Variants in EDA2R observed in about 807,000 individuals in gnomAD.
EDA2R encodes ectodysplasin A2 receptor.
Under a neutral mutation model 20.1 loss-of-function variants are expected in EDA2R, and 26 were observed. That is an observed-to-expected ratio of 1.30 (90% CI 0.95 to 1.80). EDA2R has a LOEUF of 1.80. Ranked by LOEUF, EDA2R falls within the 40% of genes most tolerant of loss-of-function variation. The pLI is 0.00. For missense variants in EDA2R, 277 were observed against 228.7 expected, an observed-to-expected ratio of 1.21 and a Z score of -1.36; for synonymous variants, 114 against 88.7, an observed-to-expected ratio of 1.29 and a Z score of -1.60.
chrX:66,604,015 G>A (rs1400901092), intron 4 of EDA2R, among the ~76,000 whole-genome samples: 3 of 111,724 alleles, frequency 2.7e-5, no homozygotes, highest in African/African-American at 9.8e-5. Flanking sequence ...GGCATAGATT[G>A]GACCCTAGTT....
At chrX:66,628,520 C>T (rs1466888672) in intron 1 of EDA2R, among the ~76,000 whole-genome samples, 1 of 110,710 alleles carries the variant, frequency 9.0e-6, no homozygotes, top group Non-Finnish European at 1.9e-5. Context: ...AGGACTGACA[C>T]CACTGAAATA....
Position 66,635,894 on chromosome X carries a change from G to T in EDA2R, c.-11+3101C>A, listed in dbSNP as rs1018088901. Among the ~76,000 whole-genome samples the T allele has an allele frequency of 1.1e-4, 12 of 111,368 alleles. No individual in the cohort carries two copies. In the East Asian group the frequency reaches 3.1e-3, roughly 29 times the overall value. On this transcript the variant is annotated intron_variant, in intron 1 of 6. Transcript: ENST00000374719. ...GTATTTAGCACATAGTGGAAAAAAT[G>T]ATTTATATTCTTTAATTTTTTTTTG... is the stretch of plus-strand genomic sequence containing the variant.
At chrX:66,613,688 A>G (rs1052840180) in intron 2 of EDA2R, among the ~76,000 whole-genome samples, 2 of 111,841 alleles carry the variant, frequency 1.8e-5, no homozygotes, top group East Asian at 5.6e-4. Flanking sequence ...AAATTAGTAT[A>G]AACAAAATTC....
At chrX:66,622,892 C>A (rs1011334609) in intron 1 of EDA2R, among the ~76,000 whole-genome samples, 1 of 112,270 alleles carries the variant, frequency 8.9e-6, no homozygotes, top group Non-Finnish European at 1.9e-5. Context: ...GTAAAGTTTG[C>A]ATTTCCTGTT....
In EDA2R at chrX:66,622,370, C is replaced by A. The variant is rs138414160; in HGVS notation, c.-10-6340G>T. On this transcript the variant is annotated intron_variant, in intron 1 of 6. Transcript: ENST00000374719. ...GGTACCCAGGCTGCTGGGGGTGCAG[C>A]TGCTCCTTGCTGCAGCTTGTGGCTG... Among the ~76,000 whole-genome samples the A allele has an allele frequency of 1.7e-4, 19 of 111,955 alleles. No homozygotes were observed. In the East Asian group the frequency reaches 5.4e-3, roughly 32 times the overall value.
At chrX:66,604,000 G>C (rs1296157179) in intron 4 of EDA2R, among the ~76,000 whole-genome samples, 1 of 111,921 alleles carries the variant, frequency 8.9e-6, no homozygotes, top group East Asian at 2.8e-4. Flanking sequence ...ATGGATAGTG[G>C]TATAGGCATA....
intron 1 of EDA2R, among the ~76,000 whole-genome samples, chrX:66,617,846 C>T (rs1355658749): frequency 1.0e-5 from 1 of 95,753 alleles, no homozygotes; most frequent in Non-Finnish European, 2.1e-5. Flanking sequence ...TCCCTCCCTT[C>T]CTTCCTTCCT....
intron 1 of EDA2R, among the ~76,000 whole-genome samples, chrX:66,617,730 C>A (rs1931950537): frequency 9.0e-6 from 1 of 110,863 alleles, no homozygotes; most frequent in Admixed American, 9.6e-5. Context: ...GTGTCCTAAA[C>A]CCCAACATGT....
chrX:66,614,093 C>T (rs1931256916), intron 2 of EDA2R, among the ~76,000 whole-genome samples: 1 of 111,265 alleles, frequency 9.0e-6, no homozygotes, highest in Non-Finnish European at 1.9e-5. Flanking sequence ...AGTTCTGGAC[C>T]ATAAGATATA....
intron 1 of EDA2R, among the ~76,000 whole-genome samples, chrX:66,628,318 G>A (rs1262387461): frequency 3.7e-5 from 4 of 109,354 alleles, no homozygotes; most frequent in African/African-American, 6.7e-5. Context: ...CAGAAGAAAG[G>A]AAATAACCAA....
chrX:66,630,966 T>C (rs1265114747), intron 1 of EDA2R, among the ~76,000 whole-genome samples: 1 of 110,084 alleles, frequency 9.1e-6, no homozygotes, highest in Admixed American at 9.6e-5. Flanking sequence ...TATACATACA[T>C]ATATACACGT....
chrX:66,611,419 A>T (rs2147753195), intron 2 of EDA2R, among the ~76,000 whole-genome samples: 1 of 112,163 alleles, frequency 8.9e-6, no homozygotes, highest in Non-Finnish European at 1.9e-5. Flanking sequence ...ATTCTAAAGC[A>T]CCCATAATAA....
chrX:66,623,300 C>A lies in EDA2R; in HGVS notation c.-10-7270G>T, dbSNP rs1245278231. ...TCTCTCCCCCATATTCAGAGAGAAT[C>A]TGTTGAGGGAGAAACCCAAGGTCTA... On this transcript the variant is annotated intron_variant, in intron 1 of 6. Coordinates refer to ENST00000374719, the MANE Select transcript of EDA2R (RefSeq NM_021783.5). Among the ~76,000 whole-genome samples, 4 of 111,948 alleles carry A rather than the reference C, an allele frequency of 3.6e-5. No homozygotes were observed. In the South Asian group the frequency reaches 1.5e-3, roughly 42 times the overall value.
Position 66,615,963 on chromosome X carries a change from G to T in EDA2R, c.58C>A (p.Arg20=), listed in dbSNP as rs149915767. The T allele has an allele frequency of 5.8e-6, 7 of 1,208,388 alleles. No homozygotes were observed. The African/African-American group carries it at 7.0e-5, about 12-fold the overall frequency. Residue 20 remains arginine, a synonymous_variant, in exon 2 of 7, where the codon CGG becomes AGG. Transcript: ENST00000374719. ...GATAGCTCCTGTCCAGGACCACACCGTTGGCAGGTGACACACCGTCCCCAT... is the reference window on the plus strand; with the variant it reads ...GATAGCTCCTGTCCAGGACCACACCTTTGGCAGGTGACACACCGTCCCCAT... ...DQWGRCVTCQ[R]CGPGQELSKD...
At chrX:66,617,472 C>T (rs778648427) in intron 1 of EDA2R, among the ~76,000 whole-genome samples, 30 of 111,741 alleles carry the variant, frequency 2.7e-4, no homozygotes, top group Non-Finnish European at 5.5e-4. Context: ...ATTCTCATAG[C>T]CTTCATGACC....
Position 66,622,302 on chromosome X carries a change from T to C in EDA2R, c.-10-6272A>G, listed in dbSNP as rs181816883. On this transcript the variant is annotated intron_variant, in intron 1 of 6. Transcript: ENST00000374719. ...TAGTAATCCCCAAATTAGCTCATCA[T>C]GCCCTGAATAATTGATGTTGGCCAA... Among the ~76,000 whole-genome samples, 84 of 111,704 alleles carry C rather than the reference T, an allele frequency of 7.5e-4. 1 individual carries two copies. Among genetic ancestry groups the C allele is most frequent in the African/African-American group, 2.4e-3 (73 of 30,747 alleles).
At chrX:66,627,318 CT>C (rs1316564845) in intron 1 of EDA2R, among the ~76,000 whole-genome samples, 2 of 112,279 alleles carry the variant, frequency 1.8e-5, no homozygotes, top group Non-Finnish European at 3.8e-5. Context: ...AAATGCTCCA[CT>C]TAAGAAATAC....
At chrX:66,632,753 G>A (rs953288653) in intron 1 of EDA2R, among the ~76,000 whole-genome samples, 1 of 111,836 alleles carries the variant, frequency 8.9e-6, no homozygotes, top group Admixed American at 9.5e-5. Flanking sequence ...TCATGGGCAT[G>A]TGATAAAAGT....
intron 5 of EDA2R, chrX:66,600,161 T>C (rs1010420681): frequency 1.2e-6 from 1 of 849,615 alleles, no homozygotes; most frequent in Non-Finnish European, 1.7e-6. Flanking sequence ...ATAATCTTCA[T>C]GGCCTGGTCT....
Sources: allele counts gnomAD v4.1 joint callset (sites outside exome capture counted in the v4.1 genomes callset), GRCh38; gene constraint gnomAD v4.1.1; transcripts MANE v1.5; gene names NCBI Gene and HGNC (gene_info 2026-07-23, HGNC 2026-07-21).